The following SLCO3A1 variants were observed in gnomAD, a reference collection of about 807,000 sequenced individuals.
SLCO3A1 encodes the protein PGE1 transporter.
In SLCO3A1, 27 loss-of-function variants were observed where a neutral mutation model predicts 63.1. That is an observed-to-expected ratio of 0.43 (90% confidence interval 0.32 to 0.59). The LOEUF (loss-of-function observed/expected upper bound fraction) is 0.59. Ranked by LOEUF, SLCO3A1 falls within the 20% of genes least tolerant of loss-of-function variation. The probability of loss-of-function intolerance (pLI) is 0.09; values close to 1 mark genes in which losing one functional copy is unlikely to be tolerated. For synonymous variants in SLCO3A1, 473 were observed against 409.9 expected, an observed-to-expected ratio of 1.15 and a Z score of -1.86; for missense variants, 773 against 945.8, an observed-to-expected ratio of 0.82 and a Z score of 2.40.
chr15:92,056,873 A>T (rs760725379), intron 2 of SLCO3A1, among the ~76,000 whole-genome samples: 5 of 152,002 alleles, frequency 3.3e-5, no homozygotes, highest in Non-Finnish European at 7.4e-5. Flanking sequence ...ACCCCTTCCC[A>T]CTTTTAGCTT....
chr15:92,120,661 C>T (rs767658750), intron 5 of SLCO3A1, 32 bp downstream of exon 5: 13 of 1,557,912 alleles, frequency 8.3e-6, no homozygotes, highest in Admixed American at 3.6e-5. Flanking sequence ...CTGAGAGGGT[C>T]GGGGGAGGGT....
intron 2 of SLCO3A1, among the ~76,000 whole-genome samples, chr15:92,090,122 C>T (rs1413701125): frequency 6.6e-6 from 1 of 152,134 alleles, no homozygotes; most frequent in Non-Finnish European, 1.5e-5. Context: ...ACCTTGGAAT[C>T]AGATTGGACA....
chr15:92,038,766 A>G (rs540490852), intron 2 of SLCO3A1, among the ~76,000 whole-genome samples: 1 of 152,346 alleles, frequency 6.6e-6, no homozygotes, highest in Admixed American at 6.5e-5. Flanking sequence ...CAAATTTTAT[A>G]TGGAACCAAA....
intron 2 of SLCO3A1, among the ~76,000 whole-genome samples, chr15:91,917,021 C>T (rs1898685247): frequency 2.0e-5 from 3 of 152,154 alleles, no homozygotes; most frequent in Non-Finnish European, 2.9e-5. Flanking sequence ...TTATTTTTCA[C>T]GGTCAGAGTT....
At chr15:91,957,025 TAATATATAATATATAG>T (rs1567037273) in intron 2 of SLCO3A1, among the ~76,000 whole-genome samples, 1 of 10,402 alleles carries the variant, frequency 9.6e-5, no homozygotes, top group African/African-American at 1.2e-3. Context: ...ATAGTATATA[TAATATATAATATATAG>T]TATATATATA....
At chr15:92,150,741 AAACTT>A (rs2048293990) in intron 8 of SLCO3A1, among the ~76,000 whole-genome samples, 1 of 152,030 alleles carries the variant, frequency 6.6e-6, no homozygotes, top group Admixed American at 6.5e-5. Context: ...TTAAATTCCT[AAACTT>A]ATCTTGGCAC....
intron 2 of SLCO3A1, among the ~76,000 whole-genome samples, chr15:91,931,125 G>A (rs541205658): frequency 6.6e-6 from 1 of 152,326 alleles, no homozygotes; most frequent in South Asian, 2.1e-4. Flanking sequence ...CTTGCAAGGA[G>A]ACAGCCTTCC....
chr15:91,926,596 T>TGTGTGTGTGCGCGCGC, intron 2 of SLCO3A1, among the ~76,000 whole-genome samples: 29 of 105,312 alleles, frequency 2.8e-4, no homozygotes, highest in African/African-American at 9.5e-4. Context: ...TGTGTGTGTG[T>TGTGTGTGTGCGCGCGC]GCGCGCGCGC....
intron 2 of SLCO3A1, among the ~76,000 whole-genome samples, chr15:92,040,147 C>T (rs550508375): frequency 2.9e-3 from 446 of 152,150 alleles, no homozygotes; most frequent in African/African-American, 6.3e-3. Context: ...CAAACCACCA[C>T]GGCACATGTA....
At position 91,882,935 on chromosome 15, in the gene SLCO3A1, C is replaced by G. The variant is rs146236522; in HGVS notation, c.180+28847C>G. 4.7e-3 allele frequency among the ~76,000 whole-genome samples: 713 copies of G among 152,232 alleles called. 8 individuals carry two copies. Among genetic ancestry groups the G allele is most frequent in the African/African-American group, 0.016 (681 of 41,540 alleles). ...GTGTCCCAAAGAGATGTAATATCACCTTGTTCTTTAAGAAGTTGGTTGGGC... is the reference window on the plus strand; with the variant it reads ...GTGTCCCAAAGAGATGTAATATCACGTTGTTCTTTAAGAAGTTGGTTGGGC... On this transcript the variant is annotated intron_variant, in intron 1 of 9. Transcript: ENST00000318445. This position sits in a 1 kb window ranked among gnomAD's most constrained non-coding sequence, Gnocchi z 4.4.
intron 1 of SLCO3A1, among the ~76,000 whole-genome samples, chr15:91,857,002 TAAG>T (rs1330763504): frequency 6.6e-6 from 1 of 151,464 alleles, no homozygotes. Flanking sequence ...GCCTGTGATT[TAAG>T]AAGCAACTTT....
intron 2 of SLCO3A1, among the ~76,000 whole-genome samples, chr15:91,926,342 G>A (rs968386513): frequency 2.0e-5 from 3 of 152,156 alleles, no homozygotes; most frequent in Admixed American, 6.5e-5. Context: ...AGCACATTGC[G>A]TATGTGGGCA....
At chr15:92,136,948 G>A (rs541773093) in intron 7 of SLCO3A1, among the ~76,000 whole-genome samples, 18 of 149,462 alleles carry the variant, frequency 1.2e-4, no homozygotes, top group East Asian at 5.9e-4. Context: ...GTATTCCATC[G>A]CGTGGACCAA....
intron 7 of SLCO3A1, among the ~76,000 whole-genome samples, chr15:92,141,300 T>C (rs2048128666): frequency 6.6e-6 from 1 of 152,196 alleles, no homozygotes; most frequent in African/African-American, 2.4e-5. Flanking sequence ...TCTGCAATCA[T>C]AAACTAATCT....
chr15:92,084,658 T>C (rs963698176), intron 2 of SLCO3A1, among the ~76,000 whole-genome samples: 2 of 152,192 alleles, frequency 1.3e-5, no homozygotes, highest in Non-Finnish European at 2.9e-5. Context: ...GGCTTTGCTC[T>C]CAGGGGCATA....
In SLCO3A1 at chr15:92,120,621, A is replaced by G; in HGVS notation, c.1166A>G (p.Gln389Arg). 6 of 1,596,466 alleles carry G rather than the reference A, an allele frequency of 3.8e-6. No individual in the cohort carries two copies. The highest frequency in any genetic ancestry group is 2.6e-6 in the Non-Finnish European group (3 of 1,170,188). ...QFNLTTSSAN[Q>R]LLGMTAIPCA... ...AACCTCACCACCTCTTCTGCCAACC[A>G]GCTGCTTGGTGAGTGTGTCCTCAGG... The change falls in exon 5 of 10, where the codon CAG becomes CGG. Residue 389 changes from glutamine (Q) to arginine (R), a missense_variant. This residue lies in a region of SLCO3A1 where 565 missense variants were observed against 749.8 expected (regional missense o/e 0.75). Coordinates refer to ENST00000318445, the MANE Select transcript of SLCO3A1 (RefSeq NM_013272.4).
At chr15:92,106,349 G>T (rs1159659160) in intron 4 of SLCO3A1, among the ~76,000 whole-genome samples, 4 of 152,150 alleles carry the variant, frequency 2.6e-5, no homozygotes, top group Non-Finnish European at 5.9e-5. Context: ...TCATGCACGT[G>T]TGCTTAATAA....
intron 2 of SLCO3A1, among the ~76,000 whole-genome samples, chr15:92,002,338 AG>A (rs1192271308): frequency 6.6e-6 from 1 of 152,214 alleles, no homozygotes; most frequent in Non-Finnish European, 1.5e-5. Context: ...GAAACCGTCC[AG>A]TGGAAACTCA....
chr15:92,166,287 C>T (rs1214323612), downstream of SLCO3A1, among the ~76,000 whole-genome samples: 2 of 152,138 alleles, frequency 1.3e-5, no homozygotes, highest in Non-Finnish European at 1.5e-5. Flanking sequence ...CCTCCTCTCA[C>T]GGTCCCCCCG....
Sources: gnomAD v4.1 joint callset for allele counts (sites outside exome capture counted in the v4.1 genomes callset) on GRCh38, gnomAD v4.1.1 for gene constraint, gnomAD v4.1.1 regional missense constraint, Gnocchi (gnomAD v3.1) non-coding constraint, MANE v1.5 for transcripts, NCBI Gene and HGNC (gene_info 2026-07-23, HGNC 2026-07-21) for gene names.